TGFBR3: variants seen among roughly 807,000 people sequenced by gnomAD.
TGFBR3 encodes the protein transforming growth factor beta receptor type 3.
A neutral mutation model predicts 87.9 loss-of-function variants in TGFBR3; 46 were observed. The ratio of observed to expected loss-of-function variants is 0.52; its 90% CI spans 0.41 to 0.67. TGFBR3 has a LOEUF of 0.67. Among genes scored for constraint, TGFBR3 ranks in the 30% least tolerant of loss-of-function variants. TGFBR3 has a pLI of 0.00. For missense variants in TGFBR3, 866 were observed against 1,041.9 expected, an observed-to-expected ratio of 0.83 and a Z score of 2.32; for synonymous variants, 381 against 391.6, an observed-to-expected ratio of 0.97 and a Z score of 0.32.
chr1:91,862,125 A>G (rs1678227466), intron 1 of TGFBR3: 1 of 154,492 alleles, frequency 6.5e-6, no homozygotes, highest in South Asian at 2.0e-4. Context: ...AAGTGCTGGG[A>G]TTACAGGCGT....
At chr1:91,888,387 G>T (rs1449901405), upstream of TGFBR3, among the ~76,000 whole-genome samples, 2 of 152,158 alleles carry the variant, frequency 1.3e-5, no homozygotes, top group Non-Finnish European at 1.5e-5. Flanking sequence ...ACTTGAACTA[G>T]GTGTGAATAT....
At chr1:91,804,969 G>A (rs1436955064) in intron 2 of TGFBR3, among the ~76,000 whole-genome samples, 5 of 152,214 alleles carry the variant, frequency 3.3e-5, no homozygotes, top group South Asian at 2.1e-4. Context: ...GGACGATGAC[G>A]AAAGAACACA....
intron 4 of TGFBR3, among the ~76,000 whole-genome samples, chr1:91,735,450 C>T (rs13374915): frequency 0.12 from 18,235 of 152,158 alleles, 1,252 homozygotes; most frequent in East Asian, 0.25. Context: ...AGGGAAACAG[C>T]GAGAGTCCTC....
intron 2 of TGFBR3, among the ~76,000 whole-genome samples, chr1:91,892,616 C>G (rs1028574956): frequency 1.3e-5 from 2 of 152,140 alleles, no homozygotes; most frequent in African/African-American, 4.8e-5. Flanking sequence ...GAGGGTCTCC[C>G]TGAACCCTCT....
At chr1:91,691,235 A>G (rs922853997) in intron 16 of TGFBR3, among the ~76,000 whole-genome samples, 20 of 151,976 alleles carry the variant, frequency 1.3e-4, no homozygotes, top group African/African-American at 4.8e-4. Flanking sequence ...AAAGGGGGTG[A>G]GAAAAAAATA....
intron 2 of TGFBR3, among the ~76,000 whole-genome samples, chr1:91,847,603 CAAAAAAAAA>C (rs57534144): frequency 1.5e-4 from 13 of 88,256 alleles, no homozygotes; most frequent in Middle Eastern, 6.8e-3. Flanking sequence ...AACTCCATCT[CAAAAAAAAA>C]AAAAAAAAAA....
chr1:91,882,454 G>T (rs562584438), intron 1 of TGFBR3, among the ~76,000 whole-genome samples: 1 of 151,432 alleles, frequency 6.6e-6, no homozygotes, highest in East Asian at 2.0e-4. Context: ...TTTTTTAAAA[G>T]TCAAGTTTGG....
At chr1:91,685,236 CTAAT>C (rs565951742) in intron 16 of TGFBR3, among the ~76,000 whole-genome samples, 38 of 151,416 alleles carry the variant, frequency 2.5e-4, no homozygotes, top group African/African-American at 8.7e-4. Context: ...TGTACTTCCT[CTAAT>C]TATCTTTTCT....
At chr1:91,722,307 A>T (rs1286804109) in intron 7 of TGFBR3, among the ~76,000 whole-genome samples, 163 bp from the exon 8 acceptor site, 2 of 152,110 alleles carry the variant, frequency 1.3e-5, no homozygotes, top group Admixed American at 6.5e-5. Flanking sequence ...GATGTGAAAA[A>T]CCTTTAATAG....
At chr1:91,736,531 G>T (rs913188736) in intron 4 of TGFBR3, among the ~76,000 whole-genome samples, 1 of 151,666 alleles carries the variant, frequency 6.6e-6, no homozygotes, top group Non-Finnish European at 1.5e-5. Context: ...AAAACCAGAG[G>T]GGAACATGTA....
intron 2 of TGFBR3, among the ~76,000 whole-genome samples, chr1:91,841,521 G>A (rs1471857392): frequency 3.9e-5 from 6 of 152,050 alleles, no homozygotes; most frequent in Non-Finnish European, 8.8e-5. Flanking sequence ...TTGGCCAGGC[G>A]CAGTGGCTTA....
At chr1:91,753,086 A>G (rs1025169276) in intron 4 of TGFBR3, among the ~76,000 whole-genome samples, 2 of 151,860 alleles carry the variant, frequency 1.3e-5, no homozygotes, top group African/African-American at 4.8e-5. Context: ...AAAAAGATAC[A>G]TTTAAAAACC....
At chr1:91,904,170 C>A (rs1428991856) in intron 1 of TGFBR3, among the ~76,000 whole-genome samples, 2 of 152,106 alleles carry the variant, frequency 1.3e-5, no homozygotes, top group Middle Eastern at 3.4e-3. Context: ...GGCAACAGAG[C>A]AACACTGTCT....
At position 91,758,642 on chromosome 1, in the gene TGFBR3, GTCTC is replaced by G; in HGVS notation, c.351_354del (p.Glu117AspfsTer27). 6.2e-7 allele frequency: 1 copy of G among 1,614,036 alleles called. No individual in the cohort carries two copies. Among genetic ancestry groups the G allele is most frequent in the Non-Finnish European group, 8.5e-7 (1 of 1,179,944 alleles). On this transcript the variant is annotated frameshift_variant, in exon 4 of 17. Coordinates refer to ENST00000212355, the MANE Select transcript of TGFBR3 (RefSeq NM_003243.5). LOFTEE classifies it high-confidence loss of function. ...AACAGTCTGGAGACCCCAGTGGCAA[GTCTC>G]TCTGTCTTCAGATGCCACACCAGGG...
intron 2 of TGFBR3, among the ~76,000 whole-genome samples, chr1:91,816,189 A>C (rs1676216027): frequency 1.3e-5 from 2 of 152,152 alleles, no homozygotes; most frequent in Non-Finnish European, 2.9e-5. Flanking sequence ...AGATCAACAA[A>C]CTACAACAGA....
intron 2 of TGFBR3, among the ~76,000 whole-genome samples, chr1:91,853,292 G>GA (rs1284894955): frequency 8.5e-6 from 1 of 117,448 alleles, no homozygotes; most frequent in African/African-American, 3.2e-5. Context: ...AGAAGAAGAA[G>GA]AAAAAAAGGG....
chr1:91,864,738 A>C (rs950218352), intron 1 of TGFBR3, among the ~76,000 whole-genome samples: 2 of 152,202 alleles, frequency 1.3e-5, no homozygotes, highest in African/African-American at 4.8e-5. Context: ...GGAATGCTGG[A>C]TGGACTGAAG....
intron 2 of TGFBR3, among the ~76,000 whole-genome samples, chr1:91,848,421 A>G (rs1343477605): frequency 1.3e-5 from 2 of 152,208 alleles, no homozygotes; most frequent in African/African-American, 4.8e-5. Flanking sequence ...TTTGTTTATA[A>G]CCTCAAACTC....
intron 3 of TGFBR3, among the ~76,000 whole-genome samples, chr1:91,767,964 G>A (rs1428054888): frequency 6.6e-6 from 1 of 151,812 alleles, no homozygotes; most frequent in East Asian, 1.9e-4. Flanking sequence ...TGTAATCCCA[G>A]CACTTTGGGA....
Sources: allele counts gnomAD v4.1 joint callset (sites outside exome capture counted in the v4.1 genomes callset), GRCh38; gene constraint gnomAD v4.1.1; transcripts MANE v1.5; gene names NCBI Gene and HGNC (gene_info 2026-07-23, HGNC 2026-07-21).